The following PCDH7 variants were observed in gnomAD, a reference collection of about 807,000 sequenced individuals.
PCDH7 encodes the protein protocadherin-7.
In PCDH7, 17 loss-of-function variants were observed where a neutral mutation model predicts 58.9. The observed-to-expected ratio is 0.29, with a 90% CI of 0.20 to 0.43. The LOEUF (loss-of-function observed/expected upper bound fraction) is 0.43. Among genes scored for constraint, PCDH7 ranks in the 20% least tolerant of loss-of-function variants. The pLI, the probability that PCDH7 is intolerant of heterozygous loss-of-function variation, is 1.00. For synonymous variants in PCDH7, 664 were observed against 616.4 expected (o/e 1.08, Z -1.14); for missense variants, 1,274 against 1,441.0 (o/e 0.88, Z 1.88).
intron 1 of PCDH7, among the ~76,000 whole-genome samples, chr4:30,778,886 A>G (rs1722419382): frequency 1.3e-5 from 2 of 151,964 alleles, no homozygotes; most frequent in Admixed American, 1.3e-4. Flanking sequence ...ATTTGCTTTC[A>G]ATCTAAGGTC....
chr4:31,130,054 A>G (rs1005058645), intron 3 of PCDH7, among the ~76,000 whole-genome samples: 5 of 152,186 alleles, frequency 3.3e-5, no homozygotes, highest in Admixed American at 6.5e-5. Flanking sequence ...AATGCCATAA[A>G]TCCTATAAAG....
intron 3 of PCDH7, among the ~76,000 whole-genome samples, chr4:30,970,720 A>G (rs1321925352): frequency 1.3e-5 from 2 of 152,214 alleles, no homozygotes; most frequent in Non-Finnish European, 2.9e-5. Flanking sequence ...ACTCTTTTAC[A>G]GAATACATCA....
chr4:30,775,402 T>G (rs1262760666), intron 1 of PCDH7, among the ~76,000 whole-genome samples: 1 of 151,924 alleles, frequency 6.6e-6, no homozygotes. Context: ...TGTGTGTGAG[T>G]GTGTGTGTGT....
chr4:31,098,626 T>G (rs1281626176), intron 3 of PCDH7, among the ~76,000 whole-genome samples: 2 of 152,196 alleles, frequency 1.3e-5, no homozygotes, highest in Admixed American at 1.3e-4. Flanking sequence ...GTTTTGTAAC[T>G]GTCAGATTGT....
At chr4:30,910,847 A>T (rs1741641321) in intron 1 of PCDH7, among the ~76,000 whole-genome samples, 1 of 152,184 alleles carries the variant, frequency 6.6e-6, no homozygotes, top group Non-Finnish European at 1.5e-5. Context: ...TACTATAAAG[A>T]CACATGCACA....
intron 3 of PCDH7, among the ~76,000 whole-genome samples, chr4:30,968,740 G>A (rs1274820340): frequency 6.6e-6 from 1 of 152,038 alleles, no homozygotes; most frequent in Non-Finnish European, 1.5e-5. Flanking sequence ...TGTCACCTAA[G>A]TTAGCACAAG....
chr4:31,039,600 C>T (rs1755683172), intron 3 of PCDH7, among the ~76,000 whole-genome samples: 1 of 152,090 alleles, frequency 6.6e-6, no homozygotes, highest in Non-Finnish European at 1.5e-5. Context: ...CTCTACAGTG[C>T]CCAGTCATAG....
chr4:31,038,175 C>A lies in PCDH7; in HGVS notation c.*7+87960C>A, dbSNP rs139888433. Among the ~76,000 whole-genome samples, 589 of 152,168 alleles carry A rather than the reference C, an allele frequency of 3.9e-3. 3 individuals are homozygous for A. The highest frequency in any genetic ancestry group is 0.013 in the African/African-American group (519 of 41,512). On this transcript the variant is annotated intron_variant, in intron 3 of 3. Transcript: ENST00000509759. Reference sequence around the variant, plus strand: ...AAGGGTTTAGCCAAACTACTTGCTTCTGGGGAAGAGTTCCGAGGAGATTGT... The same window carrying A: ...AAGGGTTTAGCCAAACTACTTGCTTATGGGGAAGAGTTCCGAGGAGATTGT...
chr4:30,894,297 C>T (rs985870213), intron 1 of PCDH7, among the ~76,000 whole-genome samples: 7 of 150,282 alleles, frequency 4.7e-5, no homozygotes, highest in Non-Finnish European at 1.0e-4. Flanking sequence ...CCTATTAAGT[C>T]GGGGAGTTGT....
chr4:31,012,831 T>C (rs1230796008), intron 3 of PCDH7, among the ~76,000 whole-genome samples: 1 of 149,980 alleles, frequency 6.7e-6, no homozygotes, highest in Non-Finnish European at 1.5e-5. Context: ...AAGCGAGAGA[T>C]GGTCTCCACA....
intron 3 of PCDH7, among the ~76,000 whole-genome samples, chr4:31,040,075 A>G (rs1325002791): frequency 1.3e-5 from 2 of 152,204 alleles, no homozygotes; most frequent in Non-Finnish European, 2.9e-5. Flanking sequence ...CTTTAATTAA[A>G]TCAACTTTAT....
At chr4:31,121,703 A>G (rs1233907326) in intron 3 of PCDH7, among the ~76,000 whole-genome samples, 1 of 152,212 alleles carries the variant, frequency 6.6e-6, no homozygotes, top group East Asian at 1.9e-4. Flanking sequence ...GCTCAGTGGT[A>G]GAAGAAAACG....
intron 3 of PCDH7, among the ~76,000 whole-genome samples, chr4:31,136,369 A>AGG (rs1719605017): frequency 6.6e-6 from 1 of 152,196 alleles, no homozygotes; most frequent in Non-Finnish European, 1.5e-5. Context: ...GAAGTCACAC[A>AGG]GCTTCTACGT....
At chr4:31,035,247 C>CTTTTTTTTTTTT (rs35099580) in intron 3 of PCDH7, among the ~76,000 whole-genome samples, 4 of 99,380 alleles carry the variant, frequency 4.0e-5, no homozygotes, top group African/African-American at 1.2e-4. Flanking sequence ...CCTTTTTTCC[C>CTTTTTTTTTTTT]TTTTTTTTTT....
chr4:30,724,493 TACCACCAGCCAAC>T lies in PCDH7; in HGVS notation c.3074_3086del (p.Pro1025HisfsTer98). On this transcript the variant is annotated frameshift_variant, in exon 1 of 2. Transcript: ENST00000361762. LOFTEE classifies it high-confidence loss of function. ...AAAAAACACCAGGCCGTACAAGATC[TACCACCAGCCAAC>T]ACATTTGTGGGAGCAGGAGACAACA... 6.2e-7 allele frequency: 1 copy of T among 1,614,110 alleles called. No individual in the cohort carries two copies. The highest frequency in any genetic ancestry group is 8.5e-7 in the Non-Finnish European group (1 of 1,180,036).
intron 1 of PCDH7, among the ~76,000 whole-genome samples, chr4:30,764,725 GTTTGTT>G (rs1720480410): frequency 2.6e-5 from 4 of 151,524 alleles, no homozygotes; most frequent in African/African-American, 4.9e-5. Flanking sequence ...TTGTTTGTTT[GTTTGTT>G]TGTTTGTTTT....
chr4:30,894,482 AAAAAAAAAAT>A (rs1739050957), intron 1 of PCDH7, among the ~76,000 whole-genome samples: 1 of 57,572 alleles, frequency 1.7e-5, no homozygotes, highest in African/African-American at 6.6e-5. Flanking sequence ...AAAAAAAAAA[AAAAAAAAAAT>A]ATATATATAT....
At chr4:30,924,817 G>GA (rs35532582) in intron 2 of PCDH7, among the ~76,000 whole-genome samples, 95,262 of 147,120 alleles carry the variant, frequency 0.65, 30,495 homozygotes, top group Middle Eastern at 0.67. Flanking sequence ...GAGTACAAAT[G>GA]AAAAAAAAAA....
intron 2 of PCDH7, among the ~76,000 whole-genome samples, chr4:30,932,464 G>C (rs1045379560): frequency 2.0e-5 from 3 of 152,058 alleles, no homozygotes; most frequent in South Asian, 2.1e-4. Context: ...TTGCTTTATA[G>C]GAGTTATGTA....
Sources: allele counts gnomAD v4.1 joint callset (sites outside exome capture counted in the v4.1 genomes callset), GRCh38; gene constraint gnomAD v4.1.1; transcripts MANE v1.5; gene names NCBI Gene and HGNC (gene_info 2026-07-23, HGNC 2026-07-21).